The following ZCCHC4 variants were observed in gnomAD, a reference collection of about 807,000 sequenced individuals.
ZCCHC4 encodes the protein zinc finger CCHC-type containing 4.
Under a neutral mutation model 67.7 loss-of-function variants are expected in ZCCHC4, and 54 were observed. The ratio of observed to expected loss-of-function variants is 0.80; its 90% CI spans 0.64 to 1.00. The LOEUF (loss-of-function observed/expected upper bound fraction) is 1.00. Ranked by LOEUF, ZCCHC4 falls within the 50% of genes least tolerant of loss-of-function variation. ZCCHC4 has a pLI of 0.00. For synonymous variants in ZCCHC4, 198 were observed against 213.5 expected, an observed-to-expected ratio of 0.93 and a Z score of 0.63; for missense variants, 609 against 617.0, an observed-to-expected ratio of 0.99 and a Z score of 0.14.
intron 3 of ZCCHC4, among the ~76,000 whole-genome samples, chr4:25,322,452 T>C (rs1472800266): frequency 6.6e-6 from 1 of 152,206 alleles, no homozygotes; most frequent in Admixed American, 6.5e-5. Flanking sequence ...CATATCATTT[T>C]TGATTTAACC....
At position 25,351,215 on chromosome 4, in the gene ZCCHC4, C is replaced by T. The variant is rs184655754; in HGVS notation, c.911-374C>T. On this transcript the variant is annotated intron_variant, in intron 7 of 12. Transcript: ENST00000302874. ...GTTGTGGCAGAGCTGGGATTCACAC[C>T]GAAGACCTACTGCCTTCTAGTCCAG... Among the ~76,000 whole-genome samples, 8 of 152,270 alleles carry T rather than the reference C, an allele frequency of 5.3e-5. No individual in the cohort carries two copies. In the East Asian group the frequency reaches 1.2e-3, roughly 22 times the overall value.
At chr4:25,328,179 A>C (rs1205091730) in intron 3 of ZCCHC4, among the ~76,000 whole-genome samples, 1 of 151,952 alleles carries the variant, frequency 6.6e-6, no homozygotes, top group African/African-American at 2.4e-5. Context: ...TCTTGCTTAT[A>C]TTGTTTTCAG....
At chr4:25,319,880 A>T (rs1283505940) in intron 3 of ZCCHC4, among the ~76,000 whole-genome samples, 1 of 152,112 alleles carries the variant, frequency 6.6e-6, no homozygotes, top group African/African-American at 2.4e-5. Flanking sequence ...ACTGCATTTA[A>T]ACTTTATACT....
chr4:25,345,451 A>T (rs1719962114), intron 5 of ZCCHC4, 97 bp from the exon 6 acceptor site: 1 of 775,616 alleles, frequency 1.3e-6, no homozygotes, highest in Non-Finnish European at 2.1e-6. Context: ...AAAAAATGAA[A>T]TTTTTTAAAG....
At chr4:25,361,543 T>C (rs1287550185) in intron 8 of ZCCHC4, among the ~76,000 whole-genome samples, 1 of 152,232 alleles carries the variant, frequency 6.6e-6, no homozygotes, top group African/African-American at 2.4e-5. Flanking sequence ...CTGTAAAAGG[T>C]ATAATTACCT....
intron 3 of ZCCHC4, among the ~76,000 whole-genome samples, chr4:25,317,572 C>T (rs35807027): frequency 6.6e-6 from 1 of 151,840 alleles, no homozygotes; most frequent in East Asian, 1.9e-4. Flanking sequence ...ATTAGCCAGG[C>T]GTAGTGGCAG....
chr4:25,369,208 T>C lies in ZCCHC4; in HGVS notation c.*44T>C. 6.3e-7 allele frequency: 1 copy of C among 1,599,816 alleles called. No individual in the cohort carries two copies. The highest frequency in any genetic ancestry group is 8.5e-7 in the Non-Finnish European group (1 of 1,176,616). On this transcript the variant is annotated 3_prime_UTR_variant, in exon 13 of 13. Coordinates refer to ENST00000302874, the MANE Select transcript of ZCCHC4 (RefSeq NM_024936.3). ...ATAAGAAAGATTTATGGTCCAACCTTTGATGCCATTTTCTGAAAGTGCCAC... is the reference window on the plus strand; with the variant it reads ...ATAAGAAAGATTTATGGTCCAACCTCTGATGCCATTTTCTGAAAGTGCCAC...
intron 5 of ZCCHC4, among the ~76,000 whole-genome samples, chr4:25,342,263 A>T (rs980758374): frequency 1.3e-5 from 2 of 152,068 alleles, no homozygotes; most frequent in African/African-American, 4.8e-5. Flanking sequence ...ACCACAGTTA[A>T]ATCAGAAAAA....
At chr4:25,320,795 G>C (rs1466706252) in intron 3 of ZCCHC4, among the ~76,000 whole-genome samples, 2 of 152,224 alleles carry the variant, frequency 1.3e-5, no homozygotes, top group Non-Finnish European at 2.9e-5. Context: ...CTGAAGGGCA[G>C]TTTGGAAATA....
intron 12 of ZCCHC4, chr4:25,365,537 G>T: frequency 1.0e-6 from 1 of 993,894 alleles, no homozygotes; most frequent in Non-Finnish European, 1.2e-6. Flanking sequence ...GACACATGAT[G>T]GCAGGAAAGG....
At chr4:25,360,265 G>A (rs139320935) in intron 8 of ZCCHC4, among the ~76,000 whole-genome samples, 3 of 152,324 alleles carry the variant, frequency 2.0e-5, no homozygotes, top group Admixed American at 6.5e-5. Flanking sequence ...AAGATGGTGC[G>A]GCTGAGACCG....
chr4:25,369,073 T>C lies in ZCCHC4; in HGVS notation c.1451T>C (p.Met484Thr). ...CAAAGAAAAAGTAATAAGATGAAAATGGAGACCACGAAAGGACAATCCATG... is the reference window on the plus strand; with the variant it reads ...CAAAGAAAAAGTAATAAGATGAAAACGGAGACCACGAAAGGACAATCCATG... ...QKQRKSNKMK[M>T]ETTKGQSMNH... The change falls in exon 13 of 13, where the codon ATG becomes ACG. Residue 484 changes from methionine (M) to threonine (T), a missense_variant. Transcript: ENST00000302874. The C allele has an allele frequency of 6.2e-7, 1 of 1,613,328 alleles. No homozygotes were observed. Among genetic ancestry groups the C allele is most frequent in the South Asian group, 1.1e-5 (1 of 90,752 alleles).
At chr4:25,365,442 T>C in intron 12 of ZCCHC4, 1 of 1,174,122 alleles carries the variant, frequency 8.5e-7, no homozygotes, top group African/African-American at 1.6e-5. Flanking sequence ...TTACGTCTCA[T>C]GTGTAAAGTT....
At chr4:25,336,643 T>C (rs1719476661) in intron 5 of ZCCHC4, among the ~76,000 whole-genome samples, 1 of 152,152 alleles carries the variant, frequency 6.6e-6, no homozygotes, top group African/African-American at 2.4e-5. Flanking sequence ...TGCGCTGCCA[T>C]GTGCAGCTAA....
At chr4:25,328,337 T>C (rs1718999010) in intron 3 of ZCCHC4, among the ~76,000 whole-genome samples, 1 of 151,942 alleles carries the variant, frequency 6.6e-6, no homozygotes, top group Non-Finnish European at 1.5e-5. Context: ...TCTCCCAAGT[T>C]CAAGCAACTC....
At chr4:25,357,749 C>T (rs1006338594) in intron 8 of ZCCHC4, among the ~76,000 whole-genome samples, 2 of 152,190 alleles carry the variant, frequency 1.3e-5, no homozygotes, top group African/African-American at 4.8e-5. Flanking sequence ...ATTTGAATGT[C>T]AGGCTTACCT....
intron 3 of ZCCHC4, among the ~76,000 whole-genome samples, chr4:25,327,594 C>G (rs1718958797): frequency 1.3e-5 from 2 of 152,186 alleles, no homozygotes; most frequent in African/African-American, 4.8e-5. Flanking sequence ...ATCCTCCCAC[C>G]TCAGCCTCCC....
Position 25,333,292 on chromosome 4 carries a change from G to A in ZCCHC4, c.439G>A (p.Gly147Ser), listed in dbSNP as rs1173746288. Residue 147 changes from glycine to serine, a missense_variant, in exon 4 of 13, where the codon GGT becomes AGT. Gly to Ser is a moderately conservative substitution (Grantham distance 56). Coordinates refer to ENST00000302874, the MANE Select transcript of ZCCHC4 (RefSeq NM_024936.3). ...GCAACATAGTGAGCATCAGGTTCTG[G>A]GTAATGTGTCCATTACCCAGTTAAG... ...WGQHSEHQVL[G>S]NVSITQLRRP... 1 of 1,613,916 alleles carries A rather than the reference G, an allele frequency of 6.2e-7. No homozygotes were observed. The highest frequency in any genetic ancestry group is 2.2e-5 in the East Asian group (1 of 44,872).
chr4:25,351,979 T>C, intron 8 of ZCCHC4: 1 of 1,059,346 alleles, frequency 9.4e-7, no homozygotes, highest in African/African-American at 1.7e-5. Context: ...TGCTAGGGTT[T>C]AGAGCGGCTG....
Sources: allele counts gnomAD v4.1 joint callset (sites outside exome capture counted in the v4.1 genomes callset), GRCh38; gene constraint gnomAD v4.1.1; transcripts MANE v1.5; gene names NCBI Gene and HGNC (gene_info 2026-07-23, HGNC 2026-07-21).